The following VAV1 variants were observed in gnomAD, a reference collection of about 807,000 sequenced individuals.
VAV1 encodes the protein vav guanine nucleotide exchange factor 1, also known as proto-oncogene vav.
Under a neutral mutation model 128.1 loss-of-function variants are expected in VAV1, and 33 were observed. The ratio of observed to expected loss-of-function variants is 0.26; its 90% CI spans 0.20 to 0.34. VAV1 has a LOEUF of 0.34. VAV1 is among the 10% of genes least tolerant of loss of function. VAV1 has a pLI of 1.00. For synonymous variants in VAV1, 394 were observed against 409.8 expected, an observed-to-expected ratio of 0.96 and a Z score of 0.47; for missense variants, 715 against 1,093.7, an observed-to-expected ratio of 0.65 and a Z score of 4.88.
chr19:6,813,347 G>T, intron 1 of VAV1, among the ~76,000 whole-genome samples: 1 of 152,186 alleles, frequency 6.6e-6, no homozygotes, highest in African/African-American at 2.4e-5. Flanking sequence ...AGACCAAAAT[G>T]GAGCTTCGAT....
chr19:6,851,369 A>G (rs1210786452), intron 24 of VAV1, among the ~76,000 whole-genome samples: 1 of 151,828 alleles, frequency 6.6e-6, no homozygotes, highest in Non-Finnish European at 1.5e-5. Flanking sequence ...TTTTGTAGAG[A>G]TGGGGACTTG....
intron 1 of VAV1, among the ~76,000 whole-genome samples, chr19:6,775,292 G>C (rs568784176): frequency 1.3e-5 from 2 of 152,334 alleles, no homozygotes; most frequent in Admixed American, 1.3e-4. Flanking sequence ...AGCTCTCTGT[G>C]ATGCTTCAAT....
At chr19:6,846,415 C>A (rs139988299) in intron 22 of VAV1, among the ~76,000 whole-genome samples, 1 of 151,250 alleles carries the variant, frequency 6.6e-6, no homozygotes, top group African/African-American at 2.4e-5. Flanking sequence ...GGTGAAACCC[C>A]GCCTCTATTA....
intron 15 of VAV1, among the ~76,000 whole-genome samples, chr19:6,832,807 C>T (rs1972116970): frequency 6.6e-6 from 1 of 151,942 alleles, no homozygotes; most frequent in Non-Finnish European, 1.5e-5. Context: ...GGCAAAATTC[C>T]AACAACAAAA....
At chr19:6,846,239 T>G (rs1430049139) in intron 22 of VAV1, among the ~76,000 whole-genome samples, 1 of 151,254 alleles carries the variant, frequency 6.6e-6, no homozygotes, top group African/African-American at 2.4e-5. Flanking sequence ...ATGTTGTACA[T>G]TATATACTAT....
At chr19:6,815,143 T>C (rs532314027) in intron 1 of VAV1, among the ~76,000 whole-genome samples, 1 of 152,026 alleles carries the variant, frequency 6.6e-6, no homozygotes, top group East Asian at 1.9e-4. Context: ...GCTTCTTCTT[T>C]TATTTATTTA....
At position 6,854,108 on chromosome 19, in the gene VAV1, G is replaced by T. The variant is rs773288199; in HGVS notation, c.2484+10G>T. The T allele has an allele frequency of 3.1e-6, 5 of 1,611,760 alleles. No individual in the cohort carries two copies. In the South Asian group the frequency reaches 5.5e-5, roughly 18 times the overall value. On this transcript the variant is annotated intron_variant, in intron 26 of 26. Transcript: ENST00000602142. ...GGAGATCTATGGCCGGGTGAGGCAG[G>T]CAGGGCTGGGTGACGGGGAGGGCAT...
intron 1 of VAV1, among the ~76,000 whole-genome samples, chr19:6,814,671 C>CCTTCCTTTCTTTCTTTCTTTCTTTCTTT: frequency 7.4e-4 from 19 of 25,778 alleles, no homozygotes; most frequent in South Asian, 4.2e-3. Context: ...TTCCTTCCTT[C>CCTTCCTTTCTTTCTTTCTTTCTTTCTTT]CTTTCTTTCT....
In VAV1 at chr19:6,776,197, C is replaced by T. The variant is rs550708322; in HGVS notation, c.204+3186C>T. ...CCATCCATCCATCCATCCATCCACT[C>T]CTCCATCCATCTGCTCATCCATTTA... On this transcript the variant is annotated intron_variant, in intron 1 of 26. Coordinates refer to ENST00000602142, the MANE Select transcript of VAV1 (RefSeq NM_005428.4). Among the ~76,000 whole-genome samples the T allele has an allele frequency of 1.1e-3, 147 of 131,630 alleles. 1 individual carries two copies. The highest frequency in any genetic ancestry group is 4.1e-3 in the African/African-American group (144 of 35,098). 86.4% of individuals were successfully genotyped at this position (131,630 alleles called of 152,430 possible).
chr19:6,808,539 C>T (rs1385798875), intron 1 of VAV1, among the ~76,000 whole-genome samples: 1 of 152,152 alleles, frequency 6.6e-6, no homozygotes, highest in Non-Finnish European at 1.5e-5. Flanking sequence ...TCTACAATGT[C>T]AAAGACCAGC....
chr19:6,852,889 A>G, intron 24 of VAV1, 76 bp from the exon 25 acceptor site: 1 of 1,204,222 alleles, frequency 8.3e-7, no homozygotes, highest in South Asian at 1.3e-5. Flanking sequence ...GAGGAGTTGC[A>G]TATGGCTGTT....
intron 1 of VAV1, among the ~76,000 whole-genome samples, chr19:6,809,822 T>A (rs1448135578): frequency 6.6e-6 from 1 of 152,000 alleles, no homozygotes; most frequent in Non-Finnish European, 1.5e-5. Flanking sequence ...ACAGATAGTT[T>A]GGATGTAGAA....
intron 22 of VAV1, among the ~76,000 whole-genome samples, chr19:6,844,237 T>TGATGCTCCCATCTTCTTGTTGCCCAG (rs1972460817): frequency 6.6e-6 from 1 of 151,876 alleles, no homozygotes; most frequent in Non-Finnish European, 1.5e-5. Flanking sequence ...CACAGCATGA[T>TGATGCTCCCATCTTCTTGTTGCCCAG]GATGCTCCCA....
Position 6,821,864 on chromosome 19 carries a change from G to A in VAV1, c.449+5G>A. On this transcript the variant is annotated splice_donor_5th_base_variant and intron_variant, in intron 4 of 26. Transcript: ENST00000602142. The stretch of plus-strand genomic sequence containing the variant: ...TGGCCTGTCCGACCAGATCGAGTGA[G>A]TGCTCAGGCCTGTGGCCGCACAGCT... 6.2e-7 allele frequency: 1 copy of A among 1,614,150 alleles called. No individual in the cohort carries two copies. Among genetic ancestry groups the A allele is most frequent in the Non-Finnish European group, 8.5e-7 (1 of 1,179,994 alleles).
chr19:6,776,596 TCATCCATC>T lies in VAV1; in HGVS notation c.204+3604_204+3611del, dbSNP rs746307916. On this transcript the variant is annotated intron_variant, in intron 1 of 26. Coordinates refer to ENST00000602142, the MANE Select transcript of VAV1 (RefSeq NM_005428.4). ...TTCACCCACTCATCCGTCCATCCAC[TCATCCATC>T]CATCCATCCATCCATCCACTCATTT... Among the ~76,000 whole-genome samples the T allele has an allele frequency of 4.7e-5, 6 of 126,566 alleles. No individual in the cohort carries two copies. In the South Asian group the frequency reaches 1.3e-3, roughly 28 times the overall value. 83.0% of individuals were successfully genotyped at this position (126,566 alleles called of 152,430 possible).
chr19:6,818,726 G>A (rs56333516), intron 1 of VAV1, among the ~76,000 whole-genome samples: 6,895 of 152,200 alleles, frequency 0.045, 167 homozygotes, highest in Non-Finnish European at 0.055. Flanking sequence ...AAACTAGGGT[G>A]CAGGCAGGGC....
At chr19:6,781,630 CTGAG>C (rs1171857337) in intron 1 of VAV1, among the ~76,000 whole-genome samples, 3 of 145,158 alleles carry the variant, frequency 2.1e-5, no homozygotes, top group African/African-American at 7.7e-5. Context: ...TTTTTTGAGG[CTGAG>C]TCTTTCTCTG....
intron 17 of VAV1, 30 bp downstream of exon 17, chr19:6,833,655 G>C: frequency 6.2e-7 from 1 of 1,614,122 alleles, no homozygotes; most frequent in Non-Finnish European, 8.5e-7. Flanking sequence ...TGGGAGGTGA[G>C]CTTGGTTCTC....
chr19:6,851,393 G>T (rs1011875004), intron 24 of VAV1, among the ~76,000 whole-genome samples: 6 of 151,986 alleles, frequency 3.9e-5, no homozygotes, highest in Non-Finnish European at 8.8e-5. Context: ...TGTTGCTCAG[G>T]CTGGCCTTGA....
Sources: allele counts gnomAD v4.1 joint callset (sites outside exome capture counted in the v4.1 genomes callset), GRCh38; gene constraint gnomAD v4.1.1; transcripts MANE v1.5; gene names NCBI Gene and HGNC (gene_info 2026-07-23, HGNC 2026-07-21).